Variants in EYS observed in about 807,000 individuals in gnomAD.
The protein encoded by EYS is protein eyes shut homolog.
Under a neutral mutation model 282.1 loss-of-function variants are expected in EYS, and 250 were observed. The observed-to-expected ratio is 0.89, with a 90% CI of 0.80 to 0.98. EYS has a LOEUF of 0.98. Ranked by LOEUF, EYS falls within the 50% of genes least tolerant of loss-of-function variation. The probability of loss-of-function intolerance (pLI) is 0.00; values close to 1 mark genes in which losing one functional copy is unlikely to be tolerated. For synonymous variants in EYS, 1,355 were observed against 1,282.9 expected (o/e 1.06, Z -1.20); for missense variants, 4,016 against 3,709.0 (o/e 1.08, Z -2.15).
At chr6:65,603,133 G>A (rs1765668152) in intron 2 of EYS, among the ~76,000 whole-genome samples, 1 of 151,836 alleles carries the variant, frequency 6.6e-6, no homozygotes, top group Admixed American at 6.6e-5. Context: ...TAGCATTCAA[G>A]ACTCTAAAGT....
chr6:65,558,574 TC>T lies in EYS; in HGVS notation c.-332-62582del, dbSNP rs375934124. Among the ~76,000 whole-genome samples, 53 of 152,302 alleles carry T rather than the reference TC, an allele frequency of 3.5e-4. No homozygotes were observed. The South Asian group carries it at 0.01, about 30-fold the overall frequency. ...AGCTCCACAGATTGCACATCCCCAG[TC>T]AAGCCTCCTCCACTGCAGCTGGCTT... On this transcript the variant is annotated intron_variant, in intron 2 of 42. Coordinates refer to ENST00000503581, the MANE Select transcript of EYS (RefSeq NM_001142800.2).
chr6:64,811,834 T>C (rs1764604758), intron 22 of EYS, among the ~76,000 whole-genome samples: 1 of 152,100 alleles, frequency 6.6e-6, no homozygotes, highest in South Asian at 2.1e-4. Context: ...AAACCTCTTT[T>C]CTAGTCTCTG....
At chr6:64,368,339 G>A (rs1772245943) in intron 29 of EYS, among the ~76,000 whole-genome samples, 1 of 152,088 alleles carries the variant, frequency 6.6e-6, no homozygotes, top group Admixed American at 6.6e-5. Context: ...GTCTACCATT[G>A]ACAGGCACTT....
At chr6:64,727,693 T>A (rs1285661774) in intron 22 of EYS, among the ~76,000 whole-genome samples, 1 of 152,176 alleles carries the variant, frequency 6.6e-6, no homozygotes, top group African/African-American at 2.4e-5. Flanking sequence ...TAATTAATCA[T>A]CTTAGCCAAC....
intron 26 of EYS, among the ~76,000 whole-genome samples, chr6:64,472,582 A>G (rs1776151527): frequency 6.6e-6 from 1 of 152,196 alleles, no homozygotes; most frequent in African/African-American, 2.4e-5. Context: ...TTGCTCATCA[A>G]TTTAATGAGG....
In EYS at chr6:63,993,845, C is replaced by A. The variant is rs1432018893; in HGVS notation, c.6834+5230G>T. 2.6e-5 allele frequency among the ~76,000 whole-genome samples: 4 copies of A among 151,858 alleles called. No individual in the cohort carries two copies. In the South Asian group the frequency reaches 6.2e-4, roughly 24 times the overall value. ...AAGGATGCCAAATAGCCAAAACATT[C>A]TTGAGAAAGAATACAAAATGGGAGA... On this transcript the variant is annotated intron_variant, in intron 34 of 42. Transcript: ENST00000503581.
chr6:65,300,542 A>G (rs1237293639), intron 11 of EYS, among the ~76,000 whole-genome samples: 3 of 151,802 alleles, frequency 2.0e-5, no homozygotes, highest in Admixed American at 6.6e-5. Context: ...CCACCTTCCA[A>G]CTGACTTTGG....
chr6:64,958,152 T>C (rs554994409), intron 14 of EYS, among the ~76,000 whole-genome samples: 4 of 152,068 alleles, frequency 2.6e-5, no homozygotes, highest in Middle Eastern at 3.4e-3. Flanking sequence ...ATGTATTACA[T>C]ATAATTATAA....
chr6:64,598,588 A>G (rs1766661606), intron 24 of EYS, among the ~76,000 whole-genome samples: 1 of 152,244 alleles, frequency 6.6e-6, no homozygotes, highest in African/African-American at 2.4e-5. Flanking sequence ...TATGCAAATA[A>G]GATCTTCTGA....
chr6:64,517,316 G>C (rs1359405162), intron 26 of EYS, among the ~76,000 whole-genome samples: 1 of 151,778 alleles, frequency 6.6e-6, no homozygotes, highest in Non-Finnish European at 1.5e-5. Context: ...ATGTCTAACT[G>C]TACACTGTAG....
chr6:65,464,778 A>C (rs1764940957), intron 5 of EYS, among the ~76,000 whole-genome samples: 1 of 152,176 alleles, frequency 6.6e-6, no homozygotes, highest in Non-Finnish European at 1.5e-5. Flanking sequence ...AATCCACCAC[A>C]GTAGACTAGA....
intron 5 of EYS, among the ~76,000 whole-genome samples, chr6:65,446,352 T>C (rs1768656096): frequency 6.6e-6 from 1 of 151,874 alleles, no homozygotes; most frequent in Non-Finnish European, 1.5e-5. Context: ...CCAGATAGTG[T>C]GTTTAAACTA....
At chr6:64,782,755 ATAGTT>A (rs1210094513) in intron 22 of EYS, among the ~76,000 whole-genome samples, 2 of 152,226 alleles carry the variant, frequency 1.3e-5, no homozygotes, top group African/African-American at 4.8e-5. Context: ...ATGTAAAAGA[ATAGTT>A]TAAAGTTATG....
chr6:64,658,780 C>T (rs1038667229), intron 22 of EYS, among the ~76,000 whole-genome samples: 9 of 152,170 alleles, frequency 5.9e-5, no homozygotes, highest in Non-Finnish European at 1.3e-4. Context: ...GGGTGCCTCC[C>T]AGTTAGGCTA....
chr6:64,383,196 G>A (rs1305535671), intron 29 of EYS, among the ~76,000 whole-genome samples: 3 of 152,108 alleles, frequency 2.0e-5, no homozygotes, highest in Non-Finnish European at 4.4e-5. Context: ...AGCTACTAGG[G>A]GGGCTGAGGT....
At chr6:65,398,164 G>A (rs1263476629) in intron 7 of EYS, among the ~76,000 whole-genome samples, 1 of 151,838 alleles carries the variant, frequency 6.6e-6, no homozygotes, top group African/African-American at 2.4e-5. Flanking sequence ...CTAGCCTTTT[G>A]ATGTATGTTT....
chr6:64,608,010 A>G (rs9283813), intron 24 of EYS, among the ~76,000 whole-genome samples: 84,674 of 151,864 alleles, frequency 0.56, 23,717 homozygotes, highest in South Asian at 0.65. Context: ...TTCATAAATA[A>G]TAACGTTTTA....
chr6:63,916,872 G>T (rs903462889), intron 35 of EYS, among the ~76,000 whole-genome samples: 4 of 152,200 alleles, frequency 2.6e-5, no homozygotes, highest in African/African-American at 7.2e-5. Context: ...AATGAAACAT[G>T]CAGTGACAGT....
chr6:65,670,721 T>C (rs1385593949), intron 1 of EYS, among the ~76,000 whole-genome samples: 1 of 152,064 alleles, frequency 6.6e-6, no homozygotes, highest in Non-Finnish European at 1.5e-5. Flanking sequence ...ATTTCTCTTC[T>C]TTTCCAAAAT....
Sources: allele counts gnomAD v4.1 joint callset (sites outside exome capture counted in the v4.1 genomes callset), GRCh38; gene constraint gnomAD v4.1.1; transcripts MANE v1.5; gene names NCBI Gene and HGNC (gene_info 2026-07-23, HGNC 2026-07-21).